NRG3: variants seen among roughly 807,000 people sequenced by gnomAD.
The protein encoded by NRG3 is neuregulin 3.
Under a neutral mutation model 66.9 loss-of-function variants are expected in NRG3, and 31 were observed. The ratio of observed to expected loss-of-function variants is 0.46; its 90% confidence interval spans 0.35 to 0.63. The LOEUF (loss-of-function observed/expected upper bound fraction) is 0.63. Ranked by LOEUF, NRG3 falls within the 20% of genes least tolerant of loss-of-function variation. The pLI is 0.00. For missense variants in NRG3, 910 were observed against 878.9 expected, an observed-to-expected ratio of 1.04 and a Z score of -0.45; for synonymous variants, 393 against 359.4, an observed-to-expected ratio of 1.09 and a Z score of -1.06.
chr10:82,325,695 T>C (rs1277489431), intron 1 of NRG3, among the ~76,000 whole-genome samples: 2 of 152,134 alleles, frequency 1.3e-5, no homozygotes, highest in Non-Finnish European at 2.9e-5. Flanking sequence ...TTATCATTAT[T>C]TGATAGTTTT....
chr10:82,500,923 T>C (rs1250439591), intron 2 of NRG3, among the ~76,000 whole-genome samples: 4 of 151,940 alleles, frequency 2.6e-5, no homozygotes, highest in African/African-American at 9.7e-5. Flanking sequence ...TAATGAGAGG[T>C]AAGGATGGAG....
Position 81,962,141 on chromosome 10 carries a change from G to A in NRG3, c.823+85978G>A, listed in dbSNP as rs558694839. On this transcript the variant is annotated intron_variant, in intron 1 of 8. Coordinates refer to ENST00000372141, the MANE Select transcript of NRG3 (RefSeq NM_001010848.4). ...GGAAAAAAAGCCAGGATCTGAATTG[G>A]GCAGAACTGAATCAGAATTTTAGCT... 1.4e-4 allele frequency among the ~76,000 whole-genome samples: 22 copies of A among 152,296 alleles called. 1 individual carries two copies. The highest frequency in any genetic ancestry group is 7.2e-4 in the Admixed American group (11 of 15,290).
At chr10:82,020,904 C>T (rs1383539435) in intron 1 of NRG3, among the ~76,000 whole-genome samples, 1 of 152,090 alleles carries the variant, frequency 6.6e-6, no homozygotes, top group African/African-American at 2.4e-5. Flanking sequence ...CAGAGACATC[C>T]AATCCTGCTA....
intron 8 of NRG3, chr10:82,984,742 C>T (rs1219891309): frequency 1.3e-6 from 2 of 1,549,186 alleles, no homozygotes; most frequent in East Asian, 2.4e-5. Context: ...AATGGAAAGG[C>T]CACACTTACC....
At chr10:82,303,747 A>T (rs2134825272) in intron 1 of NRG3, among the ~76,000 whole-genome samples, 1 of 152,128 alleles carries the variant, frequency 6.6e-6, no homozygotes, top group African/African-American at 2.4e-5. Flanking sequence ...GAGGGCCTGT[A>T]ATCCCAGCTA....
chr10:81,877,930 G>C, intron 1 of NRG3: 6 of 1,537,108 alleles, frequency 3.9e-6, no homozygotes, highest in Non-Finnish European at 4.4e-6. Context: ...CCAGATTTTT[G>C]ATCTGCTCTT....
intron 1 of NRG3, among the ~76,000 whole-genome samples, chr10:82,101,454 T>C (rs1168116404): frequency 2.0e-5 from 3 of 151,860 alleles, no homozygotes; most frequent in African/African-American, 4.8e-5. Context: ...GGCTTTCTTA[T>C]TTTCTAATAT....
chr10:81,969,922 G>A (rs947304839), intron 1 of NRG3, among the ~76,000 whole-genome samples: 2 of 151,878 alleles, frequency 1.3e-5, no homozygotes, highest in Admixed American at 1.3e-4. Flanking sequence ...ACAAGATATT[G>A]CACTATTTTT....
intron 2 of NRG3, among the ~76,000 whole-genome samples, chr10:82,616,175 A>C (rs536030220): frequency 6.6e-6 from 1 of 152,292 alleles, no homozygotes; most frequent in South Asian, 2.1e-4. Flanking sequence ...GTTTGCACTC[A>C]AAATTAAAAT....
At chr10:82,303,678 G>A (rs1473223873) in intron 1 of NRG3, among the ~76,000 whole-genome samples, 1 of 152,014 alleles carries the variant, frequency 6.6e-6, no homozygotes, top group African/African-American at 2.4e-5. Flanking sequence ...GACCAGCATG[G>A]CCAAGATGGT....
At chr10:82,319,958 G>C (rs1259599746) in intron 1 of NRG3, among the ~76,000 whole-genome samples, 1 of 152,190 alleles carries the variant, frequency 6.6e-6, no homozygotes, top group Non-Finnish European at 1.5e-5. Flanking sequence ...TGTTGGGAAG[G>C]GTACTAACTC....
chr10:82,717,122 T>C (rs1421765980), intron 2 of NRG3, among the ~76,000 whole-genome samples: 1 of 151,984 alleles, frequency 6.6e-6, no homozygotes, highest in Non-Finnish European at 1.5e-5. Flanking sequence ...GTGGCAGTAA[T>C]CAAAATAAAG....
intron 5 of NRG3, chr10:82,955,122 A>G (rs1296043184): frequency 1.3e-5 from 2 of 151,732 alleles, no homozygotes; most frequent in African/African-American, 4.9e-5. Context: ...TCCCATAATC[A>G]CTTAGACCTT....
In NRG3 at chr10:82,711,920, G is replaced by T. The variant is rs377289951; in HGVS notation, c.954-26657G>T. Among the ~76,000 whole-genome samples, 21 of 152,186 alleles carry T rather than the reference G, an allele frequency of 1.4e-4. No individual in the cohort carries two copies. The East Asian group carries it at 2.7e-3, about 20-fold the overall frequency. ...CCTGCAGACACATAGACACACACAT[G>T]GAAATTGCATTTAATTTGTAAATAA... On this transcript the variant is annotated intron_variant, in intron 2 of 8. Coordinates refer to ENST00000372141, the MANE Select transcript of NRG3 (RefSeq NM_001010848.4).
At chr10:82,629,132 T>A (rs1468377791) in intron 2 of NRG3, among the ~76,000 whole-genome samples, 1 of 152,146 alleles carries the variant, frequency 6.6e-6, no homozygotes, top group Non-Finnish European at 1.5e-5. Context: ...GGGAGGAGCA[T>A]TCAAGGGATC....
intron 1 of NRG3, among the ~76,000 whole-genome samples, chr10:81,945,779 G>C (rs796235296): frequency 1.2e-4 from 18 of 152,188 alleles, no homozygotes; most frequent in African/African-American, 4.1e-4. Context: ...ATACTGGAGT[G>C]GGGGAGACCG....
At chr10:82,547,105 C>T (rs2043967590) in intron 2 of NRG3, among the ~76,000 whole-genome samples, 1 of 151,930 alleles carries the variant, frequency 6.6e-6, no homozygotes, top group South Asian at 2.1e-4. Flanking sequence ...AGCACATGAG[C>T]CATATTTTAT....
intron 1 of NRG3, among the ~76,000 whole-genome samples, chr10:82,029,787 A>G (rs912834118): frequency 6.6e-6 from 1 of 152,126 alleles, no homozygotes; most frequent in Non-Finnish European, 1.5e-5. Context: ...TAAACTCACC[A>G]GAATGATTAA....
At chr10:82,418,773 CT>C (rs111436902) in intron 2 of NRG3, among the ~76,000 whole-genome samples, 34,479 of 148,770 alleles carry the variant, frequency 0.23, 4,780 homozygotes, top group African/African-American at 0.39. Context: ...ATATTTTTTT[CT>C]TTTTTTTTTG....
Sources: allele counts gnomAD v4.1 joint callset (sites outside exome capture counted in the v4.1 genomes callset), GRCh38; gene constraint gnomAD v4.1.1; transcripts MANE v1.5; gene names NCBI Gene and HGNC (gene_info 2026-07-23, HGNC 2026-07-21).